The following KCNN2 variants were observed in gnomAD, a reference collection of about 807,000 sequenced individuals.
KCNN2 encodes small conductance calcium-activated potassium channel protein 2.
A neutral mutation model predicts 55.5 loss-of-function variants in KCNN2; 24 were observed. The observed-to-expected ratio is 0.43, with a 90% CI of 0.31 to 0.61. KCNN2 has a LOEUF of 0.61. Among genes scored for constraint, KCNN2 ranks in the 20% least tolerant of loss-of-function variants. The pLI is 0.08. For synonymous variants in KCNN2, 431 were observed against 336.1 expected, an observed-to-expected ratio of 1.28 and a Z score of -3.09; for missense variants, 754 against 853.6, an observed-to-expected ratio of 0.88 and a Z score of 1.45.
chr5:114,144,120 A>C (rs1049336386), intron 1 of KCNN2, among the ~76,000 whole-genome samples: 1 of 152,194 alleles, frequency 6.6e-6, no homozygotes, highest in South Asian at 2.1e-4. Context: ...GCTTATGTCT[A>C]AACTTAAATT....
intron 1 of KCNN2, among the ~76,000 whole-genome samples, chr5:114,147,046 C>A (rs1011569992): frequency 6.6e-6 from 1 of 152,286 alleles, no homozygotes; most frequent in Admixed American, 6.5e-5. Context: ...TGATCAAAAT[C>A]TTGTAATGCA....
chr5:114,444,796 C>T (rs1760342980), intron 3 of KCNN2, among the ~76,000 whole-genome samples: 1 of 152,136 alleles, frequency 6.6e-6, no homozygotes, highest in East Asian at 1.9e-4. Flanking sequence ...CACAAAAACA[C>T]CTTCTTGTCT....
intron 1 of KCNN2, among the ~76,000 whole-genome samples, chr5:114,087,321 T>A (rs1751037681): frequency 1.3e-5 from 2 of 152,178 alleles, no homozygotes; most frequent in South Asian, 4.1e-4. Flanking sequence ...TTGCAGTTGC[T>A]TTTGATGACT....
At position 114,281,865 on chromosome 5, in the gene KCNN2, G is replaced by T. The variant is rs1221635092; in HGVS notation, c.-185+60300G>T. 7.9e-5 allele frequency among the ~76,000 whole-genome samples: 12 copies of T among 151,328 alleles called. No homozygotes were observed. The East Asian group carries it at 1.2e-3, about 15-fold the overall frequency. ...GGTTGTAATTCTGATAATTTTCTGTGTTTTTTTTCTAGGGTCTATTAATAT... is the reference window on the plus strand; with the variant it reads ...GGTTGTAATTCTGATAATTTTCTGTTTTTTTTTTCTAGGGTCTATTAATAT... On this transcript the variant is annotated intron_variant, in intron 2 of 10. Coordinates refer to the KCNN2 transcript ENST00000512097.
At chr5:114,482,596 A>G (rs997533336) in intron 5 of KCNN2, among the ~76,000 whole-genome samples, 29 of 152,320 alleles carry the variant, frequency 1.9e-4, no homozygotes, top group African/African-American at 7.0e-4. Context: ...TTGCTGCACT[A>G]TTCACTATAG....
At chr5:114,385,519 G>GCGCACACACACACACA (rs1458678711) in intron 2 of KCNN2, among the ~76,000 whole-genome samples, 7 of 143,354 alleles carry the variant, frequency 4.9e-5, no homozygotes, top group African/African-American at 1.6e-4. Flanking sequence ...ACACATGCGC[G>GCGCACACACACACACA]CACACACACA....
At chr5:114,227,879 A>G (rs927655404) in intron 2 of KCNN2, among the ~76,000 whole-genome samples, 3 of 152,116 alleles carry the variant, frequency 2.0e-5, no homozygotes, top group Admixed American at 1.3e-4. Context: ...GTGTATATAT[A>G]TATAGTAGGT....
At chr5:114,161,786 G>A (rs1182722933) in intron 1 of KCNN2, among the ~76,000 whole-genome samples, 1 of 152,032 alleles carries the variant, frequency 6.6e-6, no homozygotes, top group Non-Finnish European at 1.5e-5. Flanking sequence ...TCTTCCAGTT[G>A]ATCACATCAG....
At chr5:114,109,361 T>C (rs1751549360) in intron 1 of KCNN2, among the ~76,000 whole-genome samples, 1 of 152,036 alleles carries the variant, frequency 6.6e-6, no homozygotes, top group African/African-American at 2.4e-5. Context: ...CTCAAGGAAG[T>C]AACATCTTAA....
intron 2 of KCNN2, among the ~76,000 whole-genome samples, chr5:114,384,002 A>C (rs1191498489): frequency 6.6e-6 from 1 of 152,200 alleles, no homozygotes; most frequent in Non-Finnish European, 1.5e-5. Flanking sequence ...TTTCATCTAC[A>C]TTGTAGTTCT....
chr5:114,302,200 G>A (rs866196895), intron 2 of KCNN2, among the ~76,000 whole-genome samples: 12 of 152,152 alleles, frequency 7.9e-5, no homozygotes, highest in African/African-American at 2.9e-4. Context: ...TTAGAATCAT[G>A]CTTGACTTTG....
intron 3 of KCNN2, among the ~76,000 whole-genome samples, chr5:114,407,380 G>A (rs1424036312): frequency 6.6e-6 from 1 of 151,840 alleles, no homozygotes; most frequent in African/African-American, 2.4e-5. Context: ...TACTTCTTCT[G>A]TATTGTGTAT....
chr5:114,241,480 C>T (rs72797693), intron 2 of KCNN2, among the ~76,000 whole-genome samples: 12,255 of 150,978 alleles, frequency 0.081, 690 homozygotes, highest in Non-Finnish European at 0.11. Flanking sequence ...CTAAAATATA[C>T]CAAAATGGAG....
At chr5:114,127,798 A>T (rs369232621) in intron 1 of KCNN2, among the ~76,000 whole-genome samples, 1 of 152,086 alleles carries the variant, frequency 6.6e-6, no homozygotes, top group African/African-American at 2.4e-5. Flanking sequence ...CTACTTAGAA[A>T]TTTCTTCCAC....
At chr5:114,245,940 A>G (rs923283184) in intron 2 of KCNN2, among the ~76,000 whole-genome samples, 1 of 152,188 alleles carries the variant, frequency 6.6e-6, no homozygotes, top group Non-Finnish European at 1.5e-5. Flanking sequence ...CAGAATTCAC[A>G]CAGAAGGCCA....
intron 4 of KCNN2, among the ~76,000 whole-genome samples, chr5:114,463,583 A>C (rs1761307649): frequency 6.6e-6 from 1 of 152,198 alleles, no homozygotes; most frequent in African/African-American, 2.4e-5. Context: ...AGGGTAGAAG[A>C]TATATTAATT....
chr5:114,312,430 CACACATATATATAT>C (rs1332958851), intron 2 of KCNN2, among the ~76,000 whole-genome samples: 28 of 21,736 alleles, frequency 1.3e-3, no homozygotes, highest in Middle Eastern at 0.022. Flanking sequence ...CACACACACA[CACACATATATATAT>C]ATATATATAT....
chr5:114,084,245 A>G (rs1750964673), intron 1 of KCNN2, among the ~76,000 whole-genome samples: 1 of 152,106 alleles, frequency 6.6e-6, no homozygotes, highest in African/African-American at 2.4e-5. Context: ...AGCTTTGGAA[A>G]AAAACTGCCA....
chr5:114,473,279 G>C (rs894409062), intron 5 of KCNN2, 115 bp downstream of exon 5: 1 of 708,092 alleles, frequency 1.4e-6, no homozygotes, highest in South Asian at 1.7e-5. Context: ...TGAAAGTATA[G>C]GCATTCTTGG....
Sources: allele counts gnomAD v4.1 joint callset (sites outside exome capture counted in the v4.1 genomes callset), GRCh38; gene constraint gnomAD v4.1.1; transcripts MANE v1.5; gene names NCBI Gene and HGNC (gene_info 2026-07-23, HGNC 2026-07-21).